Variants in TATDN2 observed in about 807,000 individuals in gnomAD.
The protein encoded by TATDN2 is 3'-5' RNA nuclease TATDN2.
In TATDN2, 44 loss-of-function variants were observed where a neutral mutation model predicts 60.3. That is an observed-to-expected ratio of 0.73 (90% confidence interval 0.57 to 0.94). The LOEUF (loss-of-function observed/expected upper bound fraction) is 0.94. Ranked by LOEUF, TATDN2 falls within the 40% of genes least tolerant of loss-of-function variation. TATDN2 has a pLI of 0.00. For synonymous variants in TATDN2, 399 were observed against 355.8 expected (o/e 1.12, Z -1.37); for missense variants, 997 against 948.0 (o/e 1.05, Z -0.68).
chr3:10,249,404 G>T lies in TATDN2; in HGVS notation c.204G>T (p.Arg68Ser). 1 of 1,613,200 alleles carries T rather than the reference G, an allele frequency of 6.2e-7. No individual in the cohort carries two copies. Among genetic ancestry groups the T allele is most frequent in the Admixed American group, 1.7e-5 (1 of 59,962 alleles). Residue 68 changes from arginine (R) to serine (S), a missense_variant, in exon 2 of 8, where the codon AGG becomes AGT. Physicochemically the swap from Arg to Ser is moderately radical, Grantham distance 110. Transcript: ENST00000448281. ...QKEDDVACSR[R>S]LSWGSSRRRN... ...AGGACGATGTGGCTTGCTCGCGGAGGTTATCCTGGGGCTCATCCCGCCGCA... is the reference window on the plus strand; with the variant it reads ...AGGACGATGTGGCTTGCTCGCGGAGTTTATCCTGGGGCTCATCCCGCCGCA...
intron 3 of TATDN2, among the ~76,000 whole-genome samples, chr3:10,269,478 G>C (rs963928883): frequency 6.6e-6 from 1 of 152,174 alleles, no homozygotes; most frequent in Non-Finnish European, 1.5e-5. Flanking sequence ...GGAGGCCAAG[G>C]CAGGAGGATT....
chr3:10,264,683 CT>C (rs779677473), intron 3 of TATDN2, among the ~76,000 whole-genome samples: 368 of 143,702 alleles, frequency 2.6e-3, no homozygotes, highest in Non-Finnish European at 2.9e-3. Flanking sequence ...ACTTTATCTT[CT>C]TTTTTTTTTT....
chr3:10,255,632 C>G (rs1249415321), intron 2 of TATDN2, among the ~76,000 whole-genome samples: 1 of 151,950 alleles, frequency 6.6e-6, no homozygotes, highest in East Asian at 1.9e-4. Flanking sequence ...CATTTTGAGA[C>G]AATTCACATT....
intron 2 of TATDN2, among the ~76,000 whole-genome samples, chr3:10,257,371 C>G (rs919302142): frequency 2.0e-5 from 3 of 149,050 alleles, no homozygotes; most frequent in African/African-American, 7.4e-5. Flanking sequence ...TGGCTCACAC[C>G]TGTAATCCCA....
chr3:10,278,794 G>A lies in TATDN2; in HGVS notation c.2146-91G>A, dbSNP rs530407218. ...GTCTCTACAGGGCAGCCCCAAAGAG[G>A]TCCTTGCTGGGGAAGGGACAGGGAG... is the stretch of plus-strand genomic sequence containing the variant. On this transcript the variant is annotated intron_variant, in intron 6 of 7. Coordinates refer to ENST00000448281, the MANE Select transcript of TATDN2 (RefSeq NM_014760.4). The surrounding 1 kb of genome is among the most constrained non-coding windows in gnomAD (Gnocchi z 4.7). 1 of 1,594,940 alleles carries A rather than the reference G, an allele frequency of 6.3e-7. No individual in the cohort carries two copies. Among genetic ancestry groups the A allele is most frequent in the African/African-American group, 1.3e-5 (1 of 74,782 alleles).
intron 2 of TATDN2, among the ~76,000 whole-genome samples, chr3:10,258,932 C>T (rs1213935962): frequency 1.3e-5 from 2 of 151,962 alleles, no homozygotes; most frequent in East Asian, 3.9e-4. Context: ...TGCAGTGGTG[C>T]CGTCACGGCT....
chr3:10,257,615 A>C (rs6782199), intron 2 of TATDN2, among the ~76,000 whole-genome samples: 10,961 of 148,648 alleles, frequency 0.074, 541 homozygotes, highest in East Asian at 0.25. Context: ...AAAAAAACAA[A>C]AAAAAAAAAC....
Position 10,249,376 on chromosome 3 carries a change from A to C in TATDN2, c.176A>C (p.Lys59Thr), listed in dbSNP as rs759061497. 12 of 1,613,184 alleles carry C rather than the reference A, an allele frequency of 7.4e-6. No individual in the cohort carries two copies. Among genetic ancestry groups the C allele is most frequent in the Non-Finnish European group, 7.6e-6 (9 of 1,179,544 alleles). Residue 59 changes from lysine (K) to threonine (T), a missense_variant, in exon 2 of 8, where the codon AAG becomes ACG. By Grantham distance (78) the Lys-to-Thr change is moderately conservative. Transcript: ENST00000448281. ...AGCCCCAAGCGCCTGAAAGCCCAGA[A>C]GGAGGACGATGTGGCTTGCTCGCGG... ...PSSPKRLKAQ[K>T]EDDVACSRRL...
At chr3:10,265,474 G>C (rs1243260450) in intron 3 of TATDN2, among the ~76,000 whole-genome samples, 2 of 151,266 alleles carry the variant, frequency 1.3e-5, no homozygotes, top group Non-Finnish European at 3.0e-5. Context: ...GAAGTCAGGA[G>C]ATCGAGACCA....
Position 10,276,463 on chromosome 3 carries a change from G to A in TATDN2, c.1936G>A (p.Val646Met), listed in dbSNP as rs1409050479. 6.2e-7 allele frequency: 1 copy of A among 1,613,946 alleles called. No homozygotes were observed. Among genetic ancestry groups the A allele is most frequent in the Non-Finnish European group, 8.5e-7 (1 of 1,180,006 alleles). ...EDLLEIMKKF[V>M]PPDYKIHRHC... ...TCTGCTAGAAATCATGAAAAAGTTT[G>A]TGCCCCCTGACTACAAGATCCATAG... Residue 646 changes from valine (V) to methionine (M), a missense_variant, in exon 5 of 8, where the codon GTG becomes ATG. By Grantham distance (21) the Val-to-Met change is conservative. Transcript: ENST00000448281.
chr3:10,249,843 T>C (rs987000120), intron 2 of TATDN2, among the ~76,000 whole-genome samples: 1 of 152,212 alleles, frequency 6.6e-6, no homozygotes, highest in Non-Finnish European at 1.5e-5. Flanking sequence ...ACTTTGGAAC[T>C]ACTTGGAAAG....
chr3:10,258,823 C>T (rs1296719773), intron 2 of TATDN2, among the ~76,000 whole-genome samples: 1 of 151,924 alleles, frequency 6.6e-6, no homozygotes, highest in Non-Finnish European at 1.5e-5. Context: ...CCATTATAAA[C>T]AGTTTAGCTT....
Position 10,270,851 on chromosome 3 carries a change from G to C in TATDN2, c.1669G>C (p.Val557Leu), listed in dbSNP as rs1470076771. ...LWEELLKEDLVWGAFGCHPHF... is the reference protein window; with the variant it reads ...LWEELLKEDLLWGAFGCHPHF... ...GGAGGAGCTGTTGAAAGAGGATCTG[G>C]TCTGGGGGGCCTTTGGCTGTCACCC... Residue 557 changes from valine to leucine, a missense_variant, in exon 4 of 8, where the codon GTC (valine) becomes CTC (leucine). Val to Leu is a conservative substitution (Grantham distance 32). Coordinates refer to ENST00000448281, the MANE Select transcript of TATDN2 (RefSeq NM_014760.4). The C allele has an allele frequency of 1.4e-5, 23 of 1,614,086 alleles. No homozygotes were observed. The highest frequency in any genetic ancestry group is 1.9e-5 in the Non-Finnish European group (22 of 1,180,044).
At chr3:10,274,331 G>A (rs1698605221) in intron 4 of TATDN2, among the ~76,000 whole-genome samples, 1 of 152,200 alleles carries the variant, frequency 6.6e-6, no homozygotes, top group African/African-American at 2.4e-5. Flanking sequence ...AGGAACAGTT[G>A]CACAGTGGCT....
At chr3:10,252,434 C>A (rs1311393008) in intron 2 of TATDN2, among the ~76,000 whole-genome samples, 1 of 152,280 alleles carries the variant, frequency 6.6e-6, no homozygotes, top group Non-Finnish European at 1.5e-5. Flanking sequence ...CTGCTGAAGT[C>A]TCTTCCTGGA....
chr3:10,259,276 A>G (rs931369585), intron 2 of TATDN2, among the ~76,000 whole-genome samples: 2 of 152,254 alleles, frequency 1.3e-5, no homozygotes, highest in Non-Finnish European at 2.9e-5. Context: ...GATTACAGGC[A>G]TGAGCCACTG....
chr3:10,261,365 C>CTTTTTTTT (rs58599009), intron 3 of TATDN2, among the ~76,000 whole-genome samples: 2 of 134,036 alleles, frequency 1.5e-5, no homozygotes, highest in Non-Finnish European at 3.2e-5. Flanking sequence ...CCATCTTTTT[C>CTTTTTTTT]TTTTTTTTTT....
At chr3:10,271,608 T>C (rs1416839295) in intron 4 of TATDN2, among the ~76,000 whole-genome samples, 1 of 152,132 alleles carries the variant, frequency 6.6e-6, no homozygotes, top group African/African-American at 2.4e-5. Context: ...CTGGCCTGCA[T>C]TGTTTTTTTT....
In TATDN2 at chr3:10,281,176, G is replaced by A. The variant is rs991131104; in HGVS notation, c.*1994G>A. ...TGCCTCTGTATTTTTTCCCCTCTTT[G>A]GCCATCTTTTTCTGAAAATAAAGTG... On this transcript the variant is annotated 3_prime_UTR_variant, in exon 8 of 8. Coordinates refer to ENST00000448281, the MANE Select transcript of TATDN2 (RefSeq NM_014760.4). The A allele has an allele frequency of 1.6e-4, 25 of 151,954 alleles. No homozygotes were observed. Among genetic ancestry groups the A allele is most frequent in the African/African-American group, 4.6e-4 (19 of 41,356 alleles). The allele number at this position is 151,954 out of a possible 1,614,324, so 9.4% of individuals were successfully genotyped here.
Sources: allele counts gnomAD v4.1 joint callset (sites outside exome capture counted in the v4.1 genomes callset), GRCh38; gene constraint gnomAD v4.1.1; non-coding constraint Gnocchi (gnomAD v3.1); transcripts MANE v1.5; gene names NCBI Gene and HGNC (gene_info 2026-07-23, HGNC 2026-07-21).